The following BIRC6 variants were observed in gnomAD, a reference collection of about 807,000 sequenced individuals.
The protein encoded by BIRC6 is dual E2 ubiquitin-conjugating enzyme/E3 ubiquitin-protein ligase BIRC6.
In BIRC6, 98 loss-of-function variants were observed where a neutral mutation model predicts 503.3. That is an observed-to-expected ratio of 0.19 (90% CI 0.17 to 0.23). The LOEUF (loss-of-function observed/expected upper bound fraction) is 0.23. Ranked by LOEUF, BIRC6 falls within the 10% of genes least tolerant of loss-of-function variation. The pLI is 1.00. For missense variants in BIRC6, 5,360 were observed against 5,806.0 expected, an observed-to-expected ratio of 0.92 and a Z score of 2.50; for synonymous variants, 2,240 against 2,078.7, an observed-to-expected ratio of 1.08 and a Z score of -2.11.
intron 72 of BIRC6, among the ~76,000 whole-genome samples, chr2:32,609,964 C>G (rs1450323937): frequency 6.6e-6 from 1 of 152,156 alleles, no homozygotes; most frequent in East Asian, 1.9e-4. Context: ...AAATGCCACT[C>G]GCTACTCTTT....
In BIRC6 at chr2:32,595,066, G is replaced by A. The variant is rs370754051; in HGVS notation, c.13534G>A (p.Ala4512Thr). 2 of 1,601,436 alleles carry A rather than the reference G, an allele frequency of 1.2e-6. No homozygotes were observed. Among genetic ancestry groups the A allele is most frequent in the East Asian group, 2.3e-5 (1 of 44,272 alleles). Reference protein sequence around the residue: ...KKLGEYSKKAAMKPKPLSVLK... With the variant: ...KKLGEYSKKATMKPKPLSVLK... ...ACTGGGTGAATACTCCAAGAAGGCG[G>A]CTATGAAACCCAAACCTTTGTCAGT... Residue 4512 changes from alanine to threonine, a missense_variant, in exon 68 of 74, where the codon GCT (alanine) becomes ACT (threonine). By Grantham distance (58) the Ala-to-Thr change is moderately conservative. This residue lies in a region of BIRC6 where 477 missense variants were observed against 574.4 expected (regional missense o/e 0.83). Transcript: ENST00000421745.
chr2:32,519,851 A>G (rs1219766641), intron 57 of BIRC6, among the ~76,000 whole-genome samples: 1 of 152,170 alleles, frequency 6.6e-6, no homozygotes, highest in Non-Finnish European at 1.5e-5. Context: ...GTGTATTGCC[A>G]CTGTGAAATT....
At chr2:32,456,052 C>T (rs981425996) in intron 23 of BIRC6, among the ~76,000 whole-genome samples, 1 of 152,164 alleles carries the variant, frequency 6.6e-6, no homozygotes, top group African/African-American at 2.4e-5. Flanking sequence ...TACACATTGT[C>T]TGTGTGATGA....
rs776176230 is a variant in BIRC6, at chr2:32,499,561, C to T, written c.8483C>T (p.Thr2828Ile). 1 of 1,605,426 alleles carries T rather than the reference C, an allele frequency of 6.2e-7. No individual in the cohort carries two copies. Among genetic ancestry groups the T allele is most frequent in the South Asian group, 1.1e-5 (1 of 89,874 alleles). Residue 2828 changes from threonine (T) to isoleucine (I), a missense_variant, in exon 46 of 74, where the codon ACA becomes ATA. Around this residue, in one of 16 missense-constraint regions of BIRC6, gnomAD observed 2,299 missense variants for 2,267.2 expected, o/e 1.01. Coordinates refer to ENST00000421745, the MANE Select transcript of BIRC6 (RefSeq NM_016252.4). ...ILSTERGAFQTGQGPLDAQVK... is the reference protein window; with the variant it reads ...ILSTERGAFQIGQGPLDAQVK... ...TCTCTCTGCAGGGGTGCTTTCCAGA[C>T]AGGCCAAGGACCTCTCGATGCCCAA...
chr2:32,387,350 A>G (rs1435112527), intron 3 of BIRC6, among the ~76,000 whole-genome samples: 2 of 146,606 alleles, frequency 1.4e-5, no homozygotes, highest in East Asian at 2.0e-4. Context: ...TTTGTCTACA[A>G]GTTTTTCCAG....
At chr2:32,418,832 C>T (rs1040031827) in intron 10 of BIRC6, among the ~76,000 whole-genome samples, 2 of 152,104 alleles carry the variant, frequency 1.3e-5, no homozygotes, top group South Asian at 2.1e-4. Flanking sequence ...CCTGTAATCC[C>T]AGCTACTTGG....
chr2:32,563,575 A>G (rs1204381226), intron 65 of BIRC6: 1 of 152,232 alleles, frequency 6.6e-6, no homozygotes, highest in Non-Finnish European at 1.5e-5. Context: ...ATTGAAGAAA[A>G]TAAATATTTC....
chr2:32,408,631 C>T (rs1053258297), intron 9 of BIRC6, among the ~76,000 whole-genome samples: 1 of 152,090 alleles, frequency 6.6e-6, no homozygotes, highest in Non-Finnish European at 1.5e-5. Flanking sequence ...AATTTTCTTA[C>T]CCTTTTTCTA....
chr2:32,574,517 T>C (rs1420636119), intron 65 of BIRC6: 1 of 153,034 alleles, frequency 6.5e-6, no homozygotes, highest in Non-Finnish European at 1.5e-5. Flanking sequence ...GGATGTTGTA[T>C]GTATTATATA....
intron 18 of BIRC6, 46 bp downstream of exon 18, chr2:32,442,272 T>C (rs1204161139): frequency 1.2e-6 from 2 of 1,606,758 alleles, no homozygotes; most frequent in Non-Finnish European, 1.7e-6. Flanking sequence ...GCCTTTTAGA[T>C]GTTATGATTG....
At chr2:32,575,101 C>T in intron 65 of BIRC6, 55 bp from the exon 66 acceptor site, 1 of 1,567,444 alleles carries the variant, frequency 6.4e-7, no homozygotes. Context: ...TCCTGTGGAC[C>T]TACTTTTATA....
chr2:32,380,694 C>T (rs1367393619), intron 3 of BIRC6, among the ~76,000 whole-genome samples: 2 of 151,998 alleles, frequency 1.3e-5, no homozygotes, highest in African/African-American at 4.8e-5. Flanking sequence ...CGCCACTGCA[C>T]TACAGCCTGG....
At chr2:32,400,825 C>T (rs980712654) in intron 6 of BIRC6, among the ~76,000 whole-genome samples, 1 of 151,912 alleles carries the variant, frequency 6.6e-6, no homozygotes, top group African/African-American at 2.4e-5. Context: ...CTGTAGGAAA[C>T]CAGTGTGAGG....
chr2:32,372,839 C>CA (rs1417180536), intron 1 of BIRC6, among the ~76,000 whole-genome samples: 4 of 151,178 alleles, frequency 2.6e-5, no homozygotes, highest in Non-Finnish European at 1.5e-5. Context: ...CAAAAAAAGA[C>CA]AAAGAGAAAG....
chr2:32,472,510 T>C (rs2049217560), intron 32 of BIRC6, among the ~76,000 whole-genome samples: 1 of 152,198 alleles, frequency 6.6e-6, no homozygotes, highest in Non-Finnish European at 1.5e-5. Flanking sequence ...GAACTTGAAC[T>C]AAGATTTGAT....
intron 44 of BIRC6, among the ~76,000 whole-genome samples, chr2:32,491,915 A>G (rs2149341625): frequency 6.6e-6 from 1 of 152,216 alleles, no homozygotes; most frequent in East Asian, 1.9e-4. Context: ...TACTATCAAG[A>G]TTATCAATTC....
At chr2:32,460,530 G>A (rs1241571396) in intron 23 of BIRC6, among the ~76,000 whole-genome samples, 1 of 151,526 alleles carries the variant, frequency 6.6e-6, no homozygotes, top group Admixed American at 6.6e-5. Context: ...ACCTGTCTTG[G>A]TCTCCCAAAG....
At chr2:32,398,293 GC>G (rs1339276788) in intron 6 of BIRC6, among the ~76,000 whole-genome samples, 1 of 152,170 alleles carries the variant, frequency 6.6e-6, no homozygotes, top group Non-Finnish European at 1.5e-5. Flanking sequence ...CCTTTTAAAT[GC>G]CAATCAGGAG....
chr2:32,586,298 C>T (rs1037345689), intron 66 of BIRC6, among the ~76,000 whole-genome samples: 45 of 151,368 alleles, frequency 3.0e-4, no homozygotes, highest in African/African-American at 1.0e-3. Flanking sequence ...CTTAGTGTTT[C>T]TGCCTCAGAA....
Sources: gnomAD v4.1 joint callset for allele counts (sites outside exome capture counted in the v4.1 genomes callset) on GRCh38, gnomAD v4.1.1 for gene constraint, gnomAD v4.1.1 regional missense constraint, MANE v1.5 for transcripts, NCBI Gene and HGNC (gene_info 2026-07-23, HGNC 2026-07-21) for gene names.